The following CNIH3 variants were observed in gnomAD, a reference collection of about 807,000 sequenced individuals.
CNIH3 encodes the protein cornichon family AMPA receptor auxiliary protein 3.
A neutral mutation model predicts 24.1 loss-of-function variants in CNIH3; 14 were observed. The observed-to-expected ratio is 0.58, with a 90% confidence interval of 0.38 to 0.91. The LOEUF (loss-of-function observed/expected upper bound fraction) is 0.91. CNIH3 is among the 40% of genes least tolerant of loss of function. The probability of loss-of-function intolerance (pLI) is 0.00; values close to 1 mark genes in which losing one functional copy is unlikely to be tolerated. For missense variants in CNIH3, 178 were observed against 196.8 expected (o/e 0.90, Z 0.57); for synonymous variants, 68 against 73.8 (o/e 0.92, Z 0.40).
chr1:224,451,496 T>A lies in CNIH3; in HGVS notation n.203+16634T>A, dbSNP rs1170605330. On this transcript the variant is annotated intron_variant and non_coding_transcript_variant, in intron 1 of 5. Transcript: ENST00000471578. ...CCGAATAGCTTGGTCACACCAAGGC[T>A]GTGTCTAGACAATGTAATAGAGCCT... Among the ~76,000 whole-genome samples, 7 of 152,256 alleles carry A rather than the reference T, an allele frequency of 4.6e-5. No homozygotes were observed. In the East Asian group the frequency reaches 1.3e-3, roughly 29 times the overall value.
chr1:224,652,212 C>T (rs990334280), intron 1 of CNIH3, among the ~76,000 whole-genome samples: 1 of 152,060 alleles, frequency 6.6e-6, no homozygotes, highest in African/African-American at 2.4e-5. Context: ...TTCCTGTGTG[C>T]TGCCTCTGGC....
chr1:224,463,033 G>C (rs2102985775), intron 1 of CNIH3, among the ~76,000 whole-genome samples: 1 of 151,430 alleles, frequency 6.6e-6, no homozygotes, highest in South Asian at 2.1e-4. Context: ...GAGTAGCTGG[G>C]ACTACAGGCG....
exon 1 of CNIH3, chr1:224,515,873 G>A (rs547454987): frequency 6.6e-6 from 1 of 152,320 alleles, no homozygotes; most frequent in East Asian, 1.9e-4. Flanking sequence ...TGGACCAAGT[G>A]AAGGTACGAA....
At chr1:224,583,808 T>G (rs1681378986) in intron 5 of CNIH3, among the ~76,000 whole-genome samples, 1 of 152,240 alleles carries the variant, frequency 6.6e-6, no homozygotes, top group South Asian at 2.1e-4. Context: ...AATGGCCTAC[T>G]TTTAATGTAA....
intron 3 of CNIH3, among the ~76,000 whole-genome samples, chr1:224,598,027 C>A (rs1682058441): frequency 6.6e-6 from 1 of 152,176 alleles, no homozygotes; most frequent in African/African-American, 2.4e-5. Flanking sequence ...CCACCCCCAA[C>A]ATTGTGTTGT....
At chr1:224,618,702 T>G (rs991019498) in intron 1 of CNIH3, among the ~76,000 whole-genome samples, 3 of 152,188 alleles carry the variant, frequency 2.0e-5, no homozygotes, top group African/African-American at 7.2e-5. Context: ...TCAGATTGTG[T>G]AAATCCGTGC....
intron 2 of CNIH3, among the ~76,000 whole-genome samples, chr1:224,524,347 G>A (rs931535263): frequency 2.0e-5 from 3 of 152,170 alleles, no homozygotes; most frequent in African/African-American, 7.2e-5. Flanking sequence ...ATCACAGTAG[G>A]CTGTTTCCCC....
chr1:224,476,257 A>C (rs749932428), intron 1 of CNIH3, among the ~76,000 whole-genome samples: 13 of 152,338 alleles, frequency 8.5e-5, no homozygotes, highest in Non-Finnish European at 1.6e-4. Flanking sequence ...GAAAGAAATA[A>C]AGGACATCAG....
At chr1:224,485,220 A>G (rs1558099458) in intron 1 of CNIH3, among the ~76,000 whole-genome samples, 1 of 152,210 alleles carries the variant, frequency 6.6e-6, no homozygotes, top group Non-Finnish European at 1.5e-5. Context: ...ACCTTCCAAG[A>G]TGGTAGCTTT....
chr1:224,637,431 C>T (rs1220489459), intron 1 of CNIH3, among the ~76,000 whole-genome samples: 2 of 139,816 alleles, frequency 1.4e-5, no homozygotes, highest in Non-Finnish European at 1.5e-5. Context: ...TCTCTTACTG[C>T]CAAACAAGGG....
chr1:224,688,255 A>G (rs1202114163), intron 3 of CNIH3, among the ~76,000 whole-genome samples: 2 of 152,152 alleles, frequency 1.3e-5, no homozygotes, highest in Non-Finnish European at 2.9e-5. Flanking sequence ...TCTGAATGTA[A>G]TTTCAAATTA....
intron 1 of CNIH3, among the ~76,000 whole-genome samples, chr1:224,450,426 CAG>C (rs1235087414): frequency 6.6e-6 from 1 of 152,194 alleles, no homozygotes; most frequent in East Asian, 1.9e-4. Context: ...GGGCCTCTCT[CAG>C]GGGTACCCTT....
rs79994936 is a variant in CNIH3, at chr1:224,649,781, A to G, written c.82-31177A>G. On this transcript the variant is annotated intron_variant, in intron 1 of 5. Transcript: ENST00000272133. ...TGCAGGGTCTGCCTGGGAAGTATTT[A>G]CACCTGTGAGGATGGCTTTATTGCT... 4.9e-3 allele frequency among the ~76,000 whole-genome samples: 752 copies of G among 152,316 alleles called. 6 individuals are homozygous for G. Among genetic ancestry groups the G allele is most frequent in the Middle Eastern group, 0.034 (10 of 294 alleles).
intron 1 of CNIH3, among the ~76,000 whole-genome samples, chr1:224,662,570 A>G (rs1327814735): frequency 1.3e-5 from 2 of 152,264 alleles, no homozygotes; most frequent in African/African-American, 2.4e-5. Context: ...TGTTGACAAC[A>G]TGAAAACATT....
intron 1 of CNIH3, chr1:224,454,426 C>A: frequency 3.3e-6 from 2 of 612,994 alleles, no homozygotes; most frequent in Non-Finnish European, 2.0e-6. Flanking sequence ...AGAACCAGTT[C>A]TCTCTTGTTT....
upstream of CNIH3, among the ~76,000 whole-genome samples, chr1:224,512,555 A>T (rs1387333508): frequency 6.6e-6 from 1 of 152,232 alleles, no homozygotes; most frequent in Non-Finnish European, 1.5e-5. Flanking sequence ...ACCAAAATGA[A>T]CAAATGTTGA....
intron 1 of CNIH3, among the ~76,000 whole-genome samples, chr1:224,506,280 C>CGT (rs1180915352): frequency 4.7e-5 from 3 of 63,780 alleles, no homozygotes; most frequent in Non-Finnish European, 6.6e-5. Context: ...CGCGCGCGCG[C>CGT]GCGCGCGCAC....
At chr1:224,476,548 T>C (rs947207050) in intron 1 of CNIH3, among the ~76,000 whole-genome samples, 2 of 152,170 alleles carry the variant, frequency 1.3e-5, no homozygotes, top group African/African-American at 4.8e-5. Flanking sequence ...CGAGCTGCAC[T>C]TTTTTTGTCT....
chr1:224,668,561 A>T (rs1269280147), intron 1 of CNIH3, among the ~76,000 whole-genome samples: 1 of 152,146 alleles, frequency 6.6e-6, no homozygotes, highest in Non-Finnish European at 1.5e-5. Context: ...TCTGATGCAC[A>T]TCCACACTTG....
Sources: gnomAD v4.1 joint callset for allele counts (sites outside exome capture counted in the v4.1 genomes callset) on GRCh38, gnomAD v4.1.1 for gene constraint, MANE v1.5 for transcripts, NCBI Gene and HGNC (gene_info 2026-07-23, HGNC 2026-07-21) for gene names.